SLC5A8: variants seen among roughly 807,000 people sequenced by gnomAD.
SLC5A8 encodes solute carrier family 5 member 8.
A neutral mutation model predicts 71.9 loss-of-function variants in SLC5A8; 55 were observed. The observed-to-expected ratio is 0.77, with a 90% CI of 0.62 to 0.96. SLC5A8 has a LOEUF of 0.96. SLC5A8 is among the 40% of genes least tolerant of loss of function. The probability of loss-of-function intolerance (pLI) is 0.00; values close to 1 mark genes in which losing one functional copy is unlikely to be tolerated. For missense variants in SLC5A8, 701 were observed against 745.3 expected, an observed-to-expected ratio of 0.94 and a Z score of 0.69; for synonymous variants, 307 against 276.1, an observed-to-expected ratio of 1.11 and a Z score of -1.11.
At chr12:101,158,396 A>G (rs767883175) in intron 13 of SLC5A8, 68 bp from the exon 14 acceptor site, 1 of 970,674 alleles carries the variant, frequency 1.0e-6, no homozygotes. Flanking sequence ...GAGACATTCC[A>G]TTATACAGGC....
rs1259728508 is a variant in SLC5A8 at position 101,158,287 on chromosome 12, T to C, written c.1672A>G (p.Lys558Glu). The C allele has an allele frequency of 1.9e-6, 3 of 1,594,164 alleles. No homozygotes were observed. The highest frequency in any genetic ancestry group is 1.4e-5 in the African/African-American group (1 of 73,800). The change falls in exon 14 of 15, where the codon AAA (lysine) becomes GAA (glutamate). Residue 558 changes from lysine (K) to glutamate (E), a missense_variant. Transcript: ENST00000536262. ...TCAAAATTGGATAAAAAGTCCTCTTTGGTTAGTATGTATCTGGGGTCTAAG... is the reference window on the plus strand; with the variant it reads ...TCAAAATTGGATAAAAAGTCCTCTTCGGTTAGTATGTATCTGGGGTCTAAG... ...QNLDPRYILT[K>E]EDFLSNFDIF...
chr12:101,182,991 G>A (rs1411145657), intron 8 of SLC5A8, 76 bp from the exon 9 acceptor site: 4 of 490,680 alleles, frequency 8.2e-6, no homozygotes, highest in Non-Finnish European at 9.6e-6. Flanking sequence ...GAGAAAGGGG[G>A]AAACAAATTG....
At position 101,157,049 on chromosome 12, in the gene SLC5A8, G is replaced by A. The variant is rs1274779506; in HGVS notation, c.*230C>T. 5 of 456,788 alleles carry A rather than the reference G, an allele frequency of 1.1e-5. No homozygotes were observed. The highest frequency in any genetic ancestry group is 5.3e-5 in the South Asian group (1 of 18,714). 28.3% of individuals were successfully genotyped at this position (456,788 alleles called of 1,614,324 possible). A position where few individuals can be genotyped will look rare whatever the true frequency, so the allele number is the denominator to read the frequency against. On this transcript the variant is annotated 3_prime_UTR_variant, in exon 15 of 15. Coordinates refer to ENST00000536262, the MANE Select transcript of SLC5A8 (RefSeq NM_145913.5). The stretch of plus-strand genomic sequence containing the variant: ...CAATTTTCACAATTATAGCTTCATC[G>A]AAATAAAGGAAAGAGAGGGAAATGT...
At chr12:101,170,538 T>C (rs1445500036) in intron 10 of SLC5A8, among the ~76,000 whole-genome samples, 1 of 152,068 alleles carries the variant, frequency 6.6e-6, no homozygotes, top group Non-Finnish European at 1.5e-5. Context: ...AGCCTGGAAA[T>C]GGCAACAGAC....
At chr12:101,192,748 A>C (rs561298809) in intron 5 of SLC5A8, among the ~76,000 whole-genome samples, 1 of 152,356 alleles carries the variant, frequency 6.6e-6, no homozygotes, top group East Asian at 1.9e-4. Context: ...TATATAATAC[A>C]TACACATACA....
At chr12:101,172,847 T>C (rs2673679) in intron 10 of SLC5A8, among the ~76,000 whole-genome samples, 39,796 of 151,998 alleles carry the variant, frequency 0.26, 5,688 homozygotes, top group East Asian at 0.53. Flanking sequence ...GTTTGGCTTA[T>C]GATGGGCTCT....
intron 3 of SLC5A8, 117 bp downstream of exon 3, chr12:101,202,047 C>A: frequency 1.0e-6 from 1 of 1,004,416 alleles, no homozygotes; most frequent in Non-Finnish European, 1.5e-6. Flanking sequence ...CTAAGTAAAG[C>A]TGATGCAGGT....
At chr12:101,184,890 A>T (rs1868556564) in intron 7 of SLC5A8, among the ~76,000 whole-genome samples, 2 of 152,240 alleles carry the variant, frequency 1.3e-5, no homozygotes, top group African/African-American at 2.4e-5. Context: ...AATTAGGATA[A>T]TCAAGTGTGT....
intron 1 of SLC5A8, among the ~76,000 whole-genome samples, chr12:101,206,695 T>G (rs1043465393): frequency 2.0e-5 from 3 of 152,234 alleles, no homozygotes; most frequent in Non-Finnish European, 4.4e-5. Context: ...TCAAGATCTC[T>G]CGTGGTCCTC....
intron 12 of SLC5A8, among the ~76,000 whole-genome samples, chr12:101,164,237 T>G (rs188747830): frequency 4.6e-5 from 7 of 152,192 alleles, no homozygotes; most frequent in African/African-American, 1.7e-4. Flanking sequence ...GAATATGTCA[T>G]GAACTTCTAT....
chr12:101,208,087 T>C (rs1255954524), intron 1 of SLC5A8, among the ~76,000 whole-genome samples: 5 of 151,654 alleles, frequency 3.3e-5, no homozygotes, highest in African/African-American at 1.2e-4. Context: ...TTCTTCTCAC[T>C]ATAAGGAGAA....
At chr12:101,190,653 A>G in intron 5 of SLC5A8, 45 bp from the exon 6 acceptor site, 2 of 1,531,610 alleles carry the variant, frequency 1.3e-6, no homozygotes, top group African/African-American at 1.4e-5. Flanking sequence ...ATTAGCAGAG[A>G]CTAAAAAAAA....
rs377671306 is a variant in SLC5A8, at chr12:101,202,220, G to C, written c.418-5C>G. The C allele has an allele frequency of 3.3e-5, 52 of 1,565,532 alleles. No homozygotes were observed. Among genetic ancestry groups the C allele is most frequent in the South Asian group, 1.2e-4 (10 of 84,816 alleles). ...AACAATTCCAGTATACAGAATCTAG[G>C]GGGGAGAAAGAAAGCCAAATGAATT... is the stretch of plus-strand genomic sequence containing the variant. On this transcript the variant is annotated splice_region_variant and splice_polypyrimidine_tract_variant and intron_variant, in intron 2 of 14. Coordinates refer to ENST00000536262, the MANE Select transcript of SLC5A8 (RefSeq NM_145913.5).
In SLC5A8 at chr12:101,159,678, C is replaced by A. The variant is rs185931090; in HGVS notation, c.1631-1350G>T. Reference sequence around the variant, plus strand: ...TCCCAGTCACTGAGGTAGAGTGTTACTTCTTGAAACAAAAGATATAGCTGT... The same window carrying A: ...TCCCAGTCACTGAGGTAGAGTGTTAATTCTTGAAACAAAAGATATAGCTGT... On this transcript the variant is annotated intron_variant, in intron 13 of 14. Coordinates refer to ENST00000536262, the MANE Select transcript of SLC5A8 (RefSeq NM_145913.5). 7.8e-3 allele frequency among the ~76,000 whole-genome samples: 1,183 copies of A among 152,204 alleles called. 1 individual carries two copies. The highest frequency in any genetic ancestry group is 0.02 in the Middle Eastern group (6 of 294).
In SLC5A8 at chr12:101,210,058, G is replaced by C. The variant is rs990335591; in HGVS notation, c.-210C>G. ...CCCTGCACCCGCCGCTGCGAGCCGC[G>C]CCCCTCAAACCCAGGTATGGGACCT... is the stretch of plus-strand genomic sequence containing the variant. On this transcript the variant is annotated 5_prime_UTR_variant, in exon 1 of 15. Coordinates refer to ENST00000536262, the MANE Select transcript of SLC5A8 (RefSeq NM_145913.5). 7 of 490,308 alleles carry C rather than the reference G, an allele frequency of 1.4e-5. No individual in the cohort carries two copies. Among genetic ancestry groups the C allele is most frequent in the Non-Finnish European group, 2.5e-5 (7 of 284,416 alleles). 30.4% of individuals were successfully genotyped at this position (490,308 alleles called of 1,614,324 possible).
chr12:101,172,942 G>A (rs80232018), intron 10 of SLC5A8, among the ~76,000 whole-genome samples: 10 of 152,192 alleles, frequency 6.6e-5, no homozygotes, highest in East Asian at 1.9e-4. Flanking sequence ...TGGGAGTGGC[G>A]GCTGTGCAAA....
At chr12:101,176,219 A>G (rs781308558) in intron 10 of SLC5A8, among the ~76,000 whole-genome samples, 4 of 152,032 alleles carry the variant, frequency 2.6e-5, no homozygotes, top group African/African-American at 4.8e-5. Flanking sequence ...AAATAAATAC[A>G]CCTCACAGCA....
In SLC5A8 at chr12:101,187,311, G is replaced by A. The variant is rs1868687030; in HGVS notation, c.963+75C>T. The A allele has an allele frequency of 3.4e-6, 5 of 1,456,516 alleles. No homozygotes were observed. In the Admixed American group the frequency reaches 9.0e-5, roughly 26 times the overall value. 90.2% of individuals were successfully genotyped at this position (1,456,516 alleles called of 1,614,324 possible). ...ACTTTCCGTTTCTCTACAAGAATAT[G>A]AATGCTCTTTCCTCTCAACTAATAA... On this transcript the variant is annotated intron_variant, in intron 7 of 14. Transcript: ENST00000536262.
chr12:101,166,523 A>C lies in SLC5A8; in HGVS notation c.1497T>G (p.Thr499=). The change falls in exon 12 of 15, where the codon ACT becomes ACG. Residue 499 remains threonine (T), a synonymous_variant. Coordinates refer to ENST00000536262, the MANE Select transcript of SLC5A8 (RefSeq NM_145913.5). The stretch of plus-strand genomic sequence containing the variant: ...GAACATTGTATATTTGAAAAACACT[A>C]GTAGTAAATGGCATTTCTGTGGTTG... The part of the protein sequence containing the change: ...LMTTTEMPFT[T]SVFQIYNVQR... The C allele has an allele frequency of 6.2e-7, 1 of 1,613,784 alleles. No individual in the cohort carries two copies. Among genetic ancestry groups the C allele is most frequent in the East Asian group, 2.2e-5 (1 of 44,864 alleles).
Sources: gnomAD v4.1 joint callset for allele counts (sites outside exome capture counted in the v4.1 genomes callset) on GRCh38, gnomAD v4.1.1 for gene constraint, MANE v1.5 for transcripts, NCBI Gene and HGNC (gene_info 2026-07-23, HGNC 2026-07-21) for gene names.